ALS2: variants seen among roughly 807,000 people sequenced by gnomAD.
The protein encoded by ALS2 is alsin Rho guanine nucleotide exchange factor ALS2, also known as alsin.
Under a neutral mutation model 203.4 loss-of-function variants are expected in ALS2, and 117 were observed. The observed-to-expected ratio is 0.58, with a 90% CI of 0.50 to 0.67. The LOEUF is 0.67. ALS2 is among the 30% of genes least tolerant of loss of function. The pLI, the probability that ALS2 is intolerant of heterozygous loss-of-function variation, is 0.00. For missense variants in ALS2, 1,715 were observed against 1,989.4 expected (o/e 0.86, Z 2.62); for synonymous variants, 718 against 725.9 (o/e 0.99, Z 0.17).
At chr2:201,778,933 T>C (rs1574817960) in intron 1 of ALS2, among the ~76,000 whole-genome samples, 2 of 152,174 alleles carry the variant, frequency 1.3e-5, no homozygotes, top group Non-Finnish European at 2.9e-5. Flanking sequence ...ATACTTTACC[T>C]AGTCTCACAT....
intron 1 of ALS2, among the ~76,000 whole-genome samples, chr2:201,772,714 G>A (rs1270066782): frequency 6.6e-6 from 1 of 152,126 alleles, no homozygotes; most frequent in Non-Finnish European, 1.5e-5. Context: ...TCGTTTTTTA[G>A]TAGAAGTCTC....
intron 14 of ALS2, 58 bp downstream of exon 14, chr2:201,728,994 T>C: frequency 6.2e-7 from 1 of 1,612,720 alleles, no homozygotes; most frequent in East Asian, 2.2e-5. Context: ...ATTGTATCAA[T>C]TGTTATCGAA....
rs905022483 is a variant in ALS2, at chr2:201,768,959, G to C, written c.-60-14C>G. Reference sequence around the variant, plus strand: ...GTCTATCAAGACCTAAACAGTACAAGTAAGGAAAAGAGCAGTAAAAGAATA... The same window carrying C: ...GTCTATCAAGACCTAAACAGTACAACTAAGGAAAAGAGCAGTAAAAGAATA... On this transcript the variant is annotated splice_polypyrimidine_tract_variant and intron_variant, in intron 1 of 33. Coordinates refer to ENST00000264276, the MANE Select transcript of ALS2 (RefSeq NM_020919.4). 5.2e-6 allele frequency: 7 copies of C among 1,335,250 alleles called. No individual in the cohort carries two copies. Among genetic ancestry groups the C allele is most frequent in the Non-Finnish European group, 6.3e-6 (6 of 947,450 alleles). 82.7% of individuals were successfully genotyped at this position (1,335,250 alleles called of 1,614,324 possible). A position where few individuals can be genotyped will look rare whatever the true frequency, so the allele number is the denominator to read the frequency against.
chr2:201,702,529 A>G (rs1427142788), intron 33 of ALS2, among the ~76,000 whole-genome samples: 1 of 152,214 alleles, frequency 6.6e-6, no homozygotes, highest in Non-Finnish European at 1.5e-5. Flanking sequence ...GGTAATGGCT[A>G]CTTACCCCAT....
chr2:201,761,109 T>C lies in ALS2; in HGVS notation c.885A>G (p.Val295=), dbSNP rs752117468. 6.8e-6 allele frequency: 11 copies of C among 1,614,100 alleles called. No homozygotes were observed. In the African/African-American group the frequency reaches 1.5e-4, roughly 22 times the overall value. ...CAGTAGCAACAGACTGATCATTTGC[T>C]ACAAGAGTGTTCTCAAATACTTCTT... is the stretch of plus-strand genomic sequence containing the variant. The part of the protein sequence containing the change: ...RQEEVFENTL[V]ANDQSVATEL... The change falls in exon 4 of 34, where the codon GTA becomes GTG. Residue 295 remains valine, a synonymous_variant. Transcript: ENST00000264276.
chr2:201,714,991 G>T (rs991063799), intron 25 of ALS2, among the ~76,000 whole-genome samples: 1 of 152,118 alleles, frequency 6.6e-6, no homozygotes, highest in Non-Finnish European at 1.5e-5. Flanking sequence ...CCACATCTAG[G>T]GACAGATGGT....
chr2:201,746,880 C>G, intron 8 of ALS2, 132 bp from the exon 9 acceptor site: 2 of 976,470 alleles, frequency 2.0e-6, no homozygotes, highest in Non-Finnish European at 3.2e-6. Flanking sequence ...GCAAACTTAC[C>G]CAGCAATTTG....
Position 201,757,726 on chromosome 2 carries a change from T to C in ALS2, c.1147A>G (p.Ser383Gly). Residue 383 changes from serine to glycine, a missense_variant, in exon 5 of 34, where the codon AGC (serine) becomes GGC (glycine). Ser to Gly is a moderately conservative substitution (Grantham distance 56, BLOSUM62 0). Transcript: ENST00000264276. The part of the protein sequence containing the change: ...LLEEAIPNLH[S>G]PPTTSTSALN... Reference sequence around the variant, plus strand: ...GCTGAGGTGCTTGTGGTAGGCGGGCTGTGGAGATTAGGAATTGCTTCTTCT... The same window carrying C: ...GCTGAGGTGCTTGTGGTAGGCGGGCCGTGGAGATTAGGAATTGCTTCTTCT... 1 of 1,612,522 alleles carries C rather than the reference T, an allele frequency of 6.2e-7. No homozygotes were observed. Among genetic ancestry groups the C allele is most frequent in the Non-Finnish European group, 8.5e-7 (1 of 1,179,992 alleles).
intron 23 of ALS2, 122 bp from the exon 24 acceptor site, chr2:201,718,332 T>C (rs1690540182): frequency 9.2e-7 from 1 of 1,084,796 alleles, no homozygotes; most frequent in African/African-American, 1.6e-5. Flanking sequence ...CGATCTTGGC[T>C]CACTGCAACC....
At chr2:201,748,867 G>T (rs969474745) in intron 8 of ALS2, among the ~76,000 whole-genome samples, 7 of 152,236 alleles carry the variant, frequency 4.6e-5, no homozygotes, top group African/African-American at 1.4e-4. Flanking sequence ...TGAATTATTG[G>T]CATATTTATT....
intron 24 of ALS2, among the ~76,000 whole-genome samples, chr2:201,716,464 A>T (rs1235845022): frequency 6.7e-6 from 1 of 150,318 alleles, no homozygotes; most frequent in African/African-American, 2.5e-5. Flanking sequence ...GAATCGCTTG[A>T]ACCCAGAAGG....
At chr2:201,707,726 G>A in intron 28 of ALS2, 143 bp downstream of exon 28, 2 of 1,085,878 alleles carry the variant, frequency 1.8e-6, no homozygotes, top group Non-Finnish European at 2.7e-6. Context: ...ACTGTGGCTG[G>A]CCCCAACCCT....
chr2:201,736,137 AAAC>A (rs1262685717), intron 12 of ALS2, among the ~76,000 whole-genome samples: 3 of 152,032 alleles, frequency 2.0e-5, no homozygotes, highest in Non-Finnish European at 2.9e-5. Context: ...TCTCAAATGT[AAAC>A]AACAACAACA....
chr2:201,746,262 A>G (rs983967660), intron 9 of ALS2, among the ~76,000 whole-genome samples: 1 of 152,232 alleles, frequency 6.6e-6, no homozygotes, highest in African/African-American at 2.4e-5. Context: ...AAATATTTAT[A>G]AAGTATGTAC....
intron 25 of ALS2, among the ~76,000 whole-genome samples, chr2:201,715,168 G>T (rs1453467238): frequency 6.6e-6 from 1 of 152,192 alleles, no homozygotes; most frequent in African/African-American, 2.4e-5. Context: ...TGCCACAGAA[G>T]GTCCTGGAGG....
At chr2:201,723,213 T>C in intron 22 of ALS2, 93 bp from the exon 23 acceptor site, 1 of 1,398,074 alleles carries the variant, frequency 7.2e-7, no homozygotes, top group South Asian at 1.2e-5. Flanking sequence ...TTATGGAATC[T>C]TAAAAGAAGG....
At position 201,763,285 on chromosome 2, in the gene ALS2, T is replaced by C. The variant is rs368195999; in HGVS notation, c.176-1467A>G. On this transcript the variant is annotated intron_variant, in intron 3 of 33. Transcript: ENST00000264276. ...GCTTTGTGCTGGTGCGCCTCATCCC[T>C]GCACCCAGAGGCACTGGCATTCTCT... The C allele has an allele frequency of 1.6e-3, 295 of 181,946 alleles. 9 individuals carry two copies. The South Asian group carries it at 0.037, about 23-fold the overall frequency. 11.3% of individuals were successfully genotyped at this position (181,946 alleles called of 1,614,324 possible).
Position 201,753,183 on chromosome 2 carries a change from C to T in ALS2, c.1700G>A (p.Gly567Asp). 3 of 1,614,148 alleles carry T rather than the reference C, an allele frequency of 1.9e-6. No individual in the cohort carries two copies. Among genetic ancestry groups the T allele is most frequent in the Non-Finnish European group, 2.5e-6 (3 of 1,180,000 alleles). ...DGKEVIHLEA[G>D]GYHSLALTAK... is the part of the protein sequence containing the mutation. ...AGTAAGTGCAAGAGAATGGTAACCA[C>T]CTGCCTCCAGATGGATTACTTCTTT... The change falls in exon 7 of 34, where the codon GGT becomes GAT. Residue 567 changes from glycine (G) to aspartate (D), a missense_variant. Gly to Asp is a moderately conservative substitution (Grantham distance 94, BLOSUM62 -1). Coordinates refer to ENST00000264276, the MANE Select transcript of ALS2 (RefSeq NM_020919.4).
At chr2:201,771,282 G>C (rs1028655003) in intron 1 of ALS2, among the ~76,000 whole-genome samples, 1 of 151,888 alleles carries the variant, frequency 6.6e-6, no homozygotes, top group Non-Finnish European at 1.5e-5. Context: ...CCTGACCTCA[G>C]GTGATCCACC....
Sources: gnomAD v4.1 joint callset for allele counts (sites outside exome capture counted in the v4.1 genomes callset) on GRCh38, gnomAD v4.1.1 for gene constraint, MANE v1.5 for transcripts, NCBI Gene and HGNC (gene_info 2026-07-23, HGNC 2026-07-21) for gene names.